The following CDCA2 variants were observed in gnomAD, a reference collection of about 807,000 sequenced individuals.
CDCA2 encodes the protein cell division cycle associated 2.
A neutral mutation model predicts 67.0 loss-of-function variants in CDCA2; 44 were observed. The observed-to-expected ratio is 0.66, with a 90% CI of 0.52 to 0.84. CDCA2 has a LOEUF of 0.84. Among genes scored for constraint, CDCA2 ranks in the 40% least tolerant of loss-of-function variants. CDCA2 has a pLI of 0.00. For synonymous variants in CDCA2, 447 were observed against 418.7 expected, an observed-to-expected ratio of 1.07 and a Z score of -0.82; for missense variants, 1,253 against 1,203.2, an observed-to-expected ratio of 1.04 and a Z score of -0.61.
intron 7 of CDCA2, among the ~76,000 whole-genome samples, chr8:25,473,148 T>A (rs1803223946): frequency 6.6e-6 from 1 of 152,214 alleles, no homozygotes; most frequent in Non-Finnish European, 1.5e-5. Flanking sequence ...TAGCAAAATC[T>A]CTTCCAGATT....
chr8:25,496,721 C>G (rs2117540976), intron 13 of CDCA2, among the ~76,000 whole-genome samples: 1 of 152,116 alleles, frequency 6.6e-6, no homozygotes, highest in East Asian at 1.9e-4. Flanking sequence ...TGAGATATCA[C>G]TGGCTATTAT....
chr8:25,495,509 G>C (rs2117538745), intron 13 of CDCA2, among the ~76,000 whole-genome samples: 1 of 152,130 alleles, frequency 6.6e-6, no homozygotes, highest in Non-Finnish European at 1.5e-5. Context: ...CCGCCTCCCG[G>C]GTTCATGCCA....
chr8:25,459,193 G>C (rs1381469901), upstream of CDCA2: 1 of 152,666 alleles, frequency 6.6e-6, no homozygotes, highest in Non-Finnish European at 1.5e-5. Context: ...GAGGGGCGGG[G>C]TCGGGGATTT....
At chr8:25,498,453 ACC>A (rs60633246) in intron 13 of CDCA2, among the ~76,000 whole-genome samples, 3 of 76,610 alleles carry the variant, frequency 3.9e-5, no homozygotes, top group African/African-American at 1.3e-4. Context: ...GGTAATCTGC[ACC>A]CCCCCCCCGC....
rs776839184 is a variant in CDCA2 at position 25,480,054 on chromosome 8, C to T, written c.962C>T (p.Thr321Ile). ...ATPACRRDLPTPKTFVLRSVL... is the reference protein window; with the variant it reads ...ATPACRRDLPIPKTFVLRSVL... Reference sequence around the variant, plus strand: ...CCAGCCTGCAGGAGGGACCTTCCCACCCCCAAGACCTTTGTACTTCGTTCT... The same window carrying T: ...CCAGCCTGCAGGAGGGACCTTCCCATCCCCAAGACCTTTGTACTTCGTTCT... The change falls in exon 8 of 15, where the codon ACC (threonine) becomes ATC (isoleucine). Residue 321 changes from threonine to isoleucine, a missense_variant. Transcript: ENST00000330560. 21 of 1,614,060 alleles carry T rather than the reference C, an allele frequency of 1.3e-5. No homozygotes were observed. Among genetic ancestry groups the T allele is most frequent in the Non-Finnish European group, 1.7e-5 (20 of 1,180,046 alleles).
chr8:25,497,246 T>C (rs1218627177), intron 13 of CDCA2, among the ~76,000 whole-genome samples: 2 of 152,122 alleles, frequency 1.3e-5, no homozygotes, highest in Non-Finnish European at 2.9e-5. Context: ...ATCCCACTTC[T>C]GGGTATGTAT....
intron 14 of CDCA2, among the ~76,000 whole-genome samples, chr8:25,503,962 G>A (rs570764859): frequency 8.6e-5 from 13 of 152,022 alleles, no homozygotes; most frequent in African/African-American, 2.7e-4. Flanking sequence ...TAAGGCGGAA[G>A]GATTGCTTGA....
Position 25,483,465 on chromosome 8 carries a change from T to C in CDCA2, c.1099T>C (p.Cys367Arg). The change falls in exon 9 of 15, where the codon TGT (cysteine) becomes CGT (arginine). Residue 367 changes from cysteine (C) to arginine (R), a missense_variant. Cys to Arg is a radical substitution (Grantham distance 180, BLOSUM62 -3). Transcript: ENST00000330560. ...HPSLISNLPN[C>R]CKEKEAEDEE... ...GAGCTTAATCTCAAATCTCCCAAAC[T>C]GTTGCAAAGAGAAAGAAGCAGGTAA... The C allele has an allele frequency of 1.9e-6, 3 of 1,611,326 alleles. No homozygotes were observed. The highest frequency in any genetic ancestry group is 2.5e-6 in the Non-Finnish European group (3 of 1,178,720).
Position 25,468,428 on chromosome 8 carries a change from T to G in CDCA2, c.735+15T>G. ...ATCTTTCTGAGGTAATTCACTTACT[T>G]TACGCATAGGAAAATGAAGTTGTTG... On this transcript the variant is annotated intron_variant, in intron 6 of 14. Transcript: ENST00000330560. 1 of 1,600,880 alleles carries G rather than the reference T, an allele frequency of 6.2e-7. No homozygotes were observed. The highest frequency in any genetic ancestry group is 8.5e-7 in the Non-Finnish European group (1 of 1,171,804).
At chr8:25,476,225 T>G (rs918054930) in intron 7 of CDCA2, among the ~76,000 whole-genome samples, 1 of 152,200 alleles carries the variant, frequency 6.6e-6, no homozygotes, top group African/African-American at 2.4e-5. Context: ...GAACTCTTAC[T>G]CCACTATCTC....
At chr8:25,485,029 G>GT (rs1247980490) in intron 10 of CDCA2, among the ~76,000 whole-genome samples, 7 of 152,084 alleles carry the variant, frequency 4.6e-5, no homozygotes, top group Non-Finnish European at 8.8e-5. Flanking sequence ...GCCATTTAAT[G>GT]TTTGAAAAAC....
chr8:25,480,136 G>C lies in CDCA2; in HGVS notation c.1032+12G>C, dbSNP rs753577880. 1.7e-5 allele frequency: 28 copies of C among 1,601,700 alleles called. No individual in the cohort carries two copies. The highest frequency in any genetic ancestry group is 2.4e-5 in the Non-Finnish European group (28 of 1,171,210). On this transcript the variant is annotated intron_variant, in intron 8 of 14. Coordinates refer to ENST00000330560, the MANE Select transcript of CDCA2 (RefSeq NM_152562.4). ...TAGAGAGCTTACAGGTAAGAAGAGA[G>C]TTAAATTTCCTAAAGCAAATGAATA... is the stretch of plus-strand genomic sequence containing the variant.
At chr8:25,487,081 CAAA>C (rs35258360) in intron 11 of CDCA2, among the ~76,000 whole-genome samples, 162 bp from the exon 12 acceptor site, 2 of 149,598 alleles carry the variant, frequency 1.3e-5, no homozygotes, top group African/African-American at 2.5e-5. Flanking sequence ...TTTTTTAAAA[CAAA>C]AAAAAAAAAT....
intron 11 of CDCA2, among the ~76,000 whole-genome samples, chr8:25,486,925 C>CA (rs1413470905): frequency 6.6e-6 from 1 of 152,066 alleles, no homozygotes; most frequent in Non-Finnish European, 1.5e-5. Flanking sequence ...TTTCATTATA[C>CA]AAAATGTATC....
At chr8:25,473,790 T>G (rs1158780182) in intron 7 of CDCA2, among the ~76,000 whole-genome samples, 1 of 152,206 alleles carries the variant, frequency 6.6e-6, no homozygotes, top group African/African-American at 2.4e-5. Flanking sequence ...CGGTTTTTAT[T>G]TTTGTAAATA....
intron 7 of CDCA2, among the ~76,000 whole-genome samples, chr8:25,474,666 G>A (rs1203006750): frequency 4.6e-5 from 7 of 152,218 alleles, no homozygotes; most frequent in African/African-American, 1.7e-4. Flanking sequence ...TCTGCCTTCA[G>A]TCAGGTAGAG....
At chr8:25,495,161 G>T (rs1446214164) in intron 13 of CDCA2, among the ~76,000 whole-genome samples, 1 of 152,174 alleles carries the variant, frequency 6.6e-6, no homozygotes. Flanking sequence ...ATAAAAAACT[G>T]GCTATAGGGA....
At chr8:25,470,856 G>T (rs568255885) in intron 7 of CDCA2, among the ~76,000 whole-genome samples, 1 of 151,836 alleles carries the variant, frequency 6.6e-6, no homozygotes, top group African/African-American at 2.4e-5. Context: ...CCCTCTCCCA[G>T]GTTCAAGCCA....
chr8:25,485,948 G>A (rs760690890), intron 11 of CDCA2, 111 bp downstream of exon 11: 33 of 577,022 alleles, frequency 5.7e-5, no homozygotes, highest in Non-Finnish European at 8.5e-5. Context: ...ACATATACTT[G>A]GTTTAAAAAC....
Sources: allele counts gnomAD v4.1 joint callset (sites outside exome capture counted in the v4.1 genomes callset), GRCh38; gene constraint gnomAD v4.1.1; transcripts MANE v1.5; gene names NCBI Gene and HGNC (gene_info 2026-07-23, HGNC 2026-07-21).